Variants in TPM3 observed in about 807,000 individuals in gnomAD.
TPM3 encodes the protein tropomyosin 3, also known as tropomyosin alpha-3 chain.
A neutral mutation model predicts 43.1 loss-of-function variants in TPM3; 16 were observed. The observed-to-expected ratio is 0.37, with a 90% confidence interval of 0.25 to 0.56. TPM3 has a LOEUF of 0.56. Among genes scored for constraint, TPM3 ranks in the 20% least tolerant of loss-of-function variants. The pLI is 0.77. For missense variants in TPM3, 176 were observed against 337.2 expected (o/e 0.52, Z 3.74); for synonymous variants, 101 against 116.9 (o/e 0.86, Z 0.88).
chr1:154,158,196 C>T (rs559163575), downstream of TPM3, among the ~76,000 whole-genome samples: 2 of 152,270 alleles, frequency 1.3e-5, no homozygotes, highest in South Asian at 4.1e-4. Context: ...AAAGTAATAA[C>T]TGATGGGATA....
downstream of TPM3, chr1:154,156,354 G>A (rs901759029): frequency 1.6e-5 from 3 of 186,894 alleles, no homozygotes; most frequent in African/African-American, 7.0e-5. Context: ...AAGTCAAATA[G>A]GTCTGAGGGT....
At position 154,167,917 on chromosome 1, in the gene TPM3, C is replaced by T; in HGVS notation, c.*20G>A. 2 of 1,613,926 alleles carry T rather than the reference C, an allele frequency of 1.2e-6. No homozygotes were observed. The highest frequency in any genetic ancestry group is 1.7e-4 in the Middle Eastern group (1 of 6,060). ...AGGAGTAAAGGGGGCAGATCCAGAA[C>T]AGAGCAGAAACGGTGATAATTATCT... On this transcript the variant is annotated 3_prime_UTR_variant, in exon 10 of 10. Transcript: ENST00000651641.
rs897017898 is a variant in TPM3, at chr1:154,185,022, C to T, written c.243+6164G>A. Among the ~76,000 whole-genome samples, 5 of 152,136 alleles carry T rather than the reference C, an allele frequency of 3.3e-5. No individual in the cohort carries two copies. The South Asian group carries it at 1.0e-3, about 32-fold the overall frequency. ...AGCCTCCATTCTGTTACAACTTTTA[C>T]CAATTTCAATGCCACTGTACTTCCA... On this transcript the variant is annotated intron_variant, in intron 2 of 9. Transcript: ENST00000651641.
rs577888532 is a variant in TPM3, at chr1:154,166,979, G to C, written c.*958C>G. On this transcript the variant is annotated 3_prime_UTR_variant, in exon 10 of 10. Coordinates refer to ENST00000651641, the MANE Select transcript of TPM3 (RefSeq NM_152263.4). ...ATTATAGGCGTGAGCTACCACGCCC[G>C]GCCTATAATGGGAATTTCTAAAATG... Among the ~76,000 whole-genome samples, 1 of 152,092 alleles carries C rather than the reference G, an allele frequency of 6.6e-6. No homozygotes were observed. Among genetic ancestry groups the C allele is most frequent in the Non-Finnish European group, 1.5e-5 (1 of 68,022 alleles).
downstream of TPM3, among the ~76,000 whole-genome samples, chr1:154,160,983 C>T (rs1285371050): frequency 1.3e-5 from 2 of 151,998 alleles, no homozygotes; most frequent in African/African-American, 4.8e-5. Context: ...AATCATAGTG[C>T]ACAACAGCCC....
rs1276577767 is a variant in TPM3, at chr1:154,165,140, G to A, written c.*2797C>T. Among the ~76,000 whole-genome samples, 1 of 152,156 alleles carries A rather than the reference G, an allele frequency of 6.6e-6. No homozygotes were observed. Among genetic ancestry groups the A allele is most frequent in the Non-Finnish European group, 1.5e-5 (1 of 68,026 alleles). On this transcript the variant is annotated 3_prime_UTR_variant, in exon 10 of 10. Transcript: ENST00000651641. ...CTCACGCCTGTAATCCCAACACTTTGGGAGGCAGAGGCGGGTGGATCACTT... is the reference window on the plus strand; with the variant it reads ...CTCACGCCTGTAATCCCAACACTTTAGGAGGCAGAGGCGGGTGGATCACTT...
At chr1:154,158,159 A>C (rs1659995251), downstream of TPM3, among the ~76,000 whole-genome samples, 1 of 152,212 alleles carries the variant, frequency 6.6e-6, no homozygotes, top group Admixed American at 6.5e-5. Context: ...CTCATGCACT[A>C]CATGTTTTTT....
chr1:154,155,970 C>T (rs1036554913), downstream of TPM3: 3 of 185,144 alleles, frequency 1.6e-5, no homozygotes, highest in African/African-American at 7.0e-5. Flanking sequence ...TGGCTCACGC[C>T]CGTAATCCCA....
At chr1:154,161,117 TA>T (rs1660308328), downstream of TPM3, among the ~76,000 whole-genome samples, 3 of 104,944 alleles carry the variant, frequency 2.9e-5, no homozygotes, top group Non-Finnish European at 5.5e-5. Flanking sequence ...AACTGGAAAG[TA>T]TAATGCAAAT....
chr1:154,183,537 G>A (rs1663218712), intron 2 of TPM3: 1 of 362,796 alleles, frequency 2.8e-6, no homozygotes, highest in South Asian at 2.4e-5. Flanking sequence ...CTCCCGCAAT[G>A]CCGATACCCG....
chr1:154,158,911 C>A, downstream of TPM3: 1 of 776,360 alleles, frequency 1.3e-6, no homozygotes, highest in South Asian at 1.3e-5. Context: ...TTGTTGGGGT[C>A]CAGGTCAGTG....
At chr1:154,161,604 T>C (rs572991588), downstream of TPM3, among the ~76,000 whole-genome samples, 3 of 151,802 alleles carry the variant, frequency 2.0e-5, 1 homozygote, top group South Asian at 6.3e-4. Flanking sequence ...CCCAGGTAAT[T>C]TTTGCATTTT....
chr1:154,176,337 A>G lies in TPM3; in HGVS notation c.244-89T>C, dbSNP rs76244003. ...GACATTAAGATCAGGGTTGACTACCATGAAAAAGCCAGAGTCTCGCAGGGT... is the reference window on the plus strand; with the variant it reads ...GACATTAAGATCAGGGTTGACTACCGTGAAAAAGCCAGAGTCTCGCAGGGT... On this transcript the variant is annotated intron_variant, in intron 2 of 9. Transcript: ENST00000651641. 7.4e-3 allele frequency: 11,836 copies of G among 1,594,262 alleles called. 51 individuals carry two copies. Among genetic ancestry groups the G allele is most frequent in the Middle Eastern group, 9.4e-3 (57 of 6,034 alleles).
rs1254605934 is a variant in TPM3, at chr1:154,188,390, G to A, written c.243+2796C>T. 4.0e-5 allele frequency among the ~76,000 whole-genome samples: 6 copies of A among 151,752 alleles called. 1 individual carries two copies. Among genetic ancestry groups the A allele is most frequent in the African/African-American group, 1.5e-4 (6 of 41,058 alleles). ...AAGGGAGAATTAATAGTTTGTGGCG[G>A]CCTGGCCGGGCGCGGTGGCTCACAC... On this transcript the variant is annotated intron_variant, in intron 2 of 9. Transcript: ENST00000651641.
intron 5 of TPM3, chr1:154,172,329 G>A: frequency 1.4e-6 from 1 of 700,702 alleles, no homozygotes; most frequent in South Asian, 1.5e-5. Flanking sequence ...TCAAGGCCCA[G>A]AAGGTACCGA....
At chr1:154,170,983 T>C (rs1209800200) in intron 6 of TPM3, 2 of 539,786 alleles carry the variant, frequency 3.7e-6, no homozygotes, top group Non-Finnish European at 6.6e-6. Context: ...AGGAGGTGTT[T>C]TTCCTTTCCC....
intron 5 of TPM3, 99 bp downstream of exon 5, chr1:154,172,809 A>T: frequency 6.8e-7 from 1 of 1,466,036 alleles, no homozygotes; most frequent in Non-Finnish European, 9.6e-7. Flanking sequence ...GGCCCTGTTT[A>T]ACAAGGTTGA....
In TPM3 at chr1:154,192,051, C is replaced by T. The variant is rs377531449; in HGVS notation, c.-33G>A. Reference sequence around the variant, plus strand: ...GGCTGTTGGTAGGCTCACCTGTGAACACTGGAGAACTGGAGACTGGGGCAA... The same window carrying T: ...GGCTGTTGGTAGGCTCACCTGTGAATACTGGAGAACTGGAGACTGGGGCAA... On this transcript the variant is annotated 5_prime_UTR_variant, in exon 1 of 10. Transcript: ENST00000651641. 1.9e-5 allele frequency: 30 copies of T among 1,582,242 alleles called. No individual in the cohort carries two copies. The highest frequency in any genetic ancestry group is 2.6e-5 in the Non-Finnish European group (30 of 1,152,852).
intron 3 of TPM3, among the ~76,000 whole-genome samples, chr1:154,174,405 T>TAC (rs1198280346): frequency 9.0e-4 from 81 of 89,524 alleles, no homozygotes; most frequent in Middle Eastern, 5.2e-3. Flanking sequence ...TATATATATA[T>TAC]ATACACACAA....
Sources: gnomAD v4.1 joint callset for allele counts (sites outside exome capture counted in the v4.1 genomes callset) on GRCh38, gnomAD v4.1.1 for gene constraint, MANE v1.5 for transcripts, NCBI Gene and HGNC (gene_info 2026-07-23, HGNC 2026-07-21) for gene names.